The following SKAP1 variants were observed in gnomAD, a reference collection of about 807,000 sequenced individuals.
SKAP1 encodes the protein src kinase-associated phosphoprotein 1.
In SKAP1, 44 loss-of-function variants were observed where a neutral mutation model predicts 58.5. The observed-to-expected ratio is 0.75, with a 90% CI of 0.59 to 0.97. SKAP1 has a LOEUF of 0.97. Ranked by LOEUF, SKAP1 falls within the 50% of genes least tolerant of loss-of-function variation. The pLI is 0.00. For missense variants in SKAP1, 390 were observed against 435.2 expected, an observed-to-expected ratio of 0.90 and a Z score of 0.92; for synonymous variants, 127 against 149.7, an observed-to-expected ratio of 0.85 and a Z score of 1.11.
At chr17:48,299,230 A>G (rs1364572293) in intron 4 of SKAP1, among the ~76,000 whole-genome samples, 1 of 152,236 alleles carries the variant, frequency 6.6e-6, no homozygotes, top group East Asian at 1.9e-4. Context: ...AACATACACA[A>G]TGGAGCATGC....
chr17:48,242,321 G>A (rs544143621), intron 4 of SKAP1, among the ~76,000 whole-genome samples: 2 of 152,286 alleles, frequency 1.3e-5, no homozygotes, highest in Admixed American at 1.3e-4. Flanking sequence ...TTCTGCCGGA[G>A]GAGAATGGAC....
At chr17:48,158,177 C>CAAAAAA (rs55933327) in intron 11 of SKAP1, among the ~76,000 whole-genome samples, 1 of 106,296 alleles carries the variant, frequency 9.4e-6, no homozygotes, top group African/African-American at 3.5e-5. Flanking sequence ...AACTCTGTCT[C>CAAAAAA]AAAAAAAAAA....
chr17:48,306,585 A>C (rs571093772), intron 4 of SKAP1, among the ~76,000 whole-genome samples: 1 of 152,342 alleles, frequency 6.6e-6, no homozygotes, highest in Non-Finnish European at 1.5e-5. Flanking sequence ...ATAACCAGTT[A>C]CACACCTTTT....
chr17:48,342,084 A>T (rs1437411191), intron 4 of SKAP1, among the ~76,000 whole-genome samples: 2 of 152,224 alleles, frequency 1.3e-5, no homozygotes, highest in Admixed American at 1.3e-4. Flanking sequence ...GTATATTTGG[A>T]CGCTGAAAAC....
intron 11 of SKAP1, among the ~76,000 whole-genome samples, chr17:48,141,832 C>T (rs973502687): frequency 6.6e-6 from 1 of 152,180 alleles, no homozygotes; most frequent in Admixed American, 6.5e-5. Flanking sequence ...CACCTTGGAA[C>T]CTTTCCTCTG....
intron 4 of SKAP1, among the ~76,000 whole-genome samples, chr17:48,254,971 T>G (rs1344422672): frequency 2.0e-5 from 3 of 152,078 alleles, no homozygotes; most frequent in Non-Finnish European, 4.4e-5. Context: ...GGTAAGCTGT[T>G]GAGATTTCTT....
chr17:48,347,366 A>G (rs1256536256), intron 3 of SKAP1, among the ~76,000 whole-genome samples: 2 of 152,222 alleles, frequency 1.3e-5, no homozygotes, highest in Admixed American at 1.3e-4. Context: ...CAAACAACCT[A>G]CATAGAATCT....
At chr17:48,161,020 G>A (rs2064061501) in intron 11 of SKAP1, among the ~76,000 whole-genome samples, 1 of 152,190 alleles carries the variant, frequency 6.6e-6, no homozygotes, top group African/African-American at 2.4e-5. Context: ...CTAGAAGATT[G>A]TGATCTCACT....
At chr17:48,279,002 T>A (rs9905961) in intron 4 of SKAP1, among the ~76,000 whole-genome samples, 50,072 of 151,980 alleles carry the variant, frequency 0.33, 8,968 homozygotes, top group African/African-American at 0.47. Flanking sequence ...ATACAGCATA[T>A]GATTCTTTGT....
chr17:48,163,896 A>T (rs1299334562), intron 10 of SKAP1, among the ~76,000 whole-genome samples: 2 of 152,208 alleles, frequency 1.3e-5, no homozygotes, highest in Non-Finnish European at 2.9e-5. Flanking sequence ...GGAGGGAGAG[A>T]ACTATTTAGT....
At chr17:48,328,355 A>G (rs2066464108) in intron 4 of SKAP1, among the ~76,000 whole-genome samples, 1 of 152,188 alleles carries the variant, frequency 6.6e-6, no homozygotes, top group South Asian at 2.1e-4. Context: ...ATCTCTTGAG[A>G]AAGATTAGAT....
rs138565218 is a variant in SKAP1, at chr17:48,146,777, C to T, written c.979-9440G>A. Reference sequence around the variant, plus strand: ...CTGAGTAGTTGAGATTACAGGCACCCGCCACCACGCCCAGCTAATTTTTGT... The same window carrying T: ...CTGAGTAGTTGAGATTACAGGCACCTGCCACCACGCCCAGCTAATTTTTGT... On this transcript the variant is annotated intron_variant, in intron 11 of 12. Coordinates refer to ENST00000336915, the MANE Select transcript of SKAP1 (RefSeq NM_003726.4). Among the ~76,000 whole-genome samples, 666 of 152,166 alleles carry T rather than the reference C, an allele frequency of 4.4e-3. 1 individual carries two copies. The highest frequency in any genetic ancestry group is 6.3e-3 in the Non-Finnish European group (429 of 68,010).
chr17:48,411,859 G>C (rs1197031501), intron 1 of SKAP1, among the ~76,000 whole-genome samples: 6 of 152,138 alleles, frequency 3.9e-5, no homozygotes, highest in Non-Finnish European at 1.5e-5. Flanking sequence ...AGAAAGGTCT[G>C]GGAAACTGTT....
chr17:48,307,101 A>G (rs2066152699), intron 4 of SKAP1, among the ~76,000 whole-genome samples: 1 of 152,236 alleles, frequency 6.6e-6, no homozygotes, highest in Non-Finnish European at 1.5e-5. Flanking sequence ...ATTTTATTAT[A>G]GTAGTAGACA....
chr17:48,172,930 C>T (rs1423521243), intron 9 of SKAP1, among the ~76,000 whole-genome samples: 1 of 152,134 alleles, frequency 6.6e-6, no homozygotes, highest in African/African-American at 2.4e-5. Context: ...AATCCCAGCA[C>T]TCTGGTAGGC....
chr17:48,363,839 A>G (rs1478252074), intron 2 of SKAP1, 25 bp from the exon 3 acceptor site: 1 of 1,599,774 alleles, frequency 6.3e-7, no homozygotes, highest in South Asian at 1.1e-5. Context: ...GGAAAAAAAA[A>G]GGGAATAAGT....
chr17:48,290,993 G>GCA (rs1481885814), intron 4 of SKAP1, among the ~76,000 whole-genome samples: 4 of 152,066 alleles, frequency 2.6e-5, no homozygotes, highest in African/African-American at 9.7e-5. Context: ...AAATTAGCTG[G>GCA]CTGTGGTGGC....
rs146969117 is a variant in SKAP1 at position 48,372,978 on chromosome 17, T to C, written c.153-9164A>G. The stretch of plus-strand genomic sequence containing the variant: ...ACTACTATTATCCTCATTTTACACA[T>C]GAGGAAACTCAAACTCAGGAAGGTC... On this transcript the variant is annotated intron_variant, in intron 2 of 12. Coordinates refer to ENST00000336915, the MANE Select transcript of SKAP1 (RefSeq NM_003726.4). Among the ~76,000 whole-genome samples the C allele has an allele frequency of 5.1e-4, 77 of 152,278 alleles. 1 individual carries two copies. The highest frequency in any genetic ancestry group is 1.4e-3 in the Admixed American group (21 of 15,302).
intron 11 of SKAP1, chr17:48,156,549 AAATATC>A (rs2063980596): frequency 7.8e-6 from 4 of 509,994 alleles, no homozygotes; most frequent in Non-Finnish European, 1.6e-5. Context: ...AGCTGTTCAG[AAATATC>A]TGAGTCCAAA....
Sources: gnomAD v4.1 joint callset for allele counts (sites outside exome capture counted in the v4.1 genomes callset) on GRCh38, gnomAD v4.1.1 for gene constraint, MANE v1.5 for transcripts, NCBI Gene and HGNC (gene_info 2026-07-23, HGNC 2026-07-21) for gene names.